ZBTB38: variants seen among roughly 807,000 people sequenced by gnomAD.
ZBTB38 encodes the protein zinc finger and BTB domain-containing protein 38.
In ZBTB38, 20 loss-of-function variants were observed where a neutral mutation model predicts 76.8. The ratio of observed to expected loss-of-function variants is 0.26; its 90% CI spans 0.18 to 0.38. ZBTB38 has a LOEUF of 0.38. Ranked by LOEUF, ZBTB38 falls within the 10% of genes least tolerant of loss-of-function variation. The pLI is 1.00. For synonymous variants in ZBTB38, 504 were observed against 544.2 expected (o/e 0.93, Z 1.03); for missense variants, 1,082 against 1,482.3 (o/e 0.73, Z 4.43).
Position 141,373,215 on chromosome 3 carries a change from C to G in ZBTB38, c.-235+3269C>G, listed in dbSNP as rs539134519. On this transcript the variant is annotated intron_variant, in intron 2 of 5. Coordinates refer to ENST00000321464, the MANE Select transcript of ZBTB38 (RefSeq NM_001376113.1). ...TCAAAAAAAGCATCAAAGGAGACAG[C>G]CTGGGAAAAGTTAGACTTTGTTGAG... is the stretch of plus-strand genomic sequence containing the variant. Among the ~76,000 whole-genome samples, 32 of 152,306 alleles carry G rather than the reference C, an allele frequency of 2.1e-4. No homozygotes were observed. The South Asian group carries it at 6.6e-3, about 32-fold the overall frequency.
chr3:141,348,353 A>G (rs1013675668), intron 1 of ZBTB38, among the ~76,000 whole-genome samples: 6 of 152,240 alleles, frequency 3.9e-5, no homozygotes, highest in Admixed American at 1.3e-4. Context: ...ATTTCCAGCA[A>G]TAGTGCCATG....
chr3:141,442,610 G>A lies in ZBTB38; in HGVS notation c.222G>A (p.Leu74=). The A allele has an allele frequency of 6.2e-7, 1 of 1,614,128 alleles. No homozygotes were observed. The highest frequency in any genetic ancestry group is 8.5e-7 in the Non-Finnish European group (1 of 1,179,988). ...CAATCTGTATTTCCAGCCACGTCCT[G>A]GAGCTGGACGATCTCAAAGCTGAAG... ...SHTICISSHV[L]ELDDLKAEVF... The change falls in exon 6 of 6, where the codon CTG becomes CTA. Residue 74 remains leucine (L), a synonymous_variant. Coordinates refer to ENST00000321464, the MANE Select transcript of ZBTB38 (RefSeq NM_001376113.1). The surrounding 1 kb of genome is among the most constrained non-coding windows in gnomAD (Gnocchi z 6.4).
At chr3:141,338,462 C>CA (rs1431940183) in intron 1 of ZBTB38, among the ~76,000 whole-genome samples, 1 of 152,116 alleles carries the variant, frequency 6.6e-6, no homozygotes, top group African/African-American at 2.4e-5. Context: ...TACTATGCAG[C>CA]CATAAAAAGA....
At chr3:141,339,983 G>C (rs1943124793) in intron 1 of ZBTB38, among the ~76,000 whole-genome samples, 1 of 152,208 alleles carries the variant, frequency 6.6e-6, no homozygotes, top group Non-Finnish European at 1.5e-5. Context: ...TTTGTGCTTG[G>C]AGTATACCAG....
Position 141,443,933 on chromosome 3 carries a change from A to G in ZBTB38, c.1545A>G (p.Arg515=), listed in dbSNP as rs751331781. Residue 515 remains arginine, a synonymous_variant, in exon 6 of 6, where the codon CGA becomes CGG. Coordinates refer to ENST00000321464, the MANE Select transcript of ZBTB38 (RefSeq NM_001376113.1). The surrounding 1 kb of genome is among the most constrained non-coding windows in gnomAD (Gnocchi z 5.6). ...AAATTTGGCATACGGGAGAAAGACGATATCAGTGCATTTTCTGTCTTGAAA... is the reference window on the plus strand; with the variant it reads ...AAATTTGGCATACGGGAGAAAGACGGTATCAGTGCATTTTCTGTCTTGAAA... ...RHEIWHTGER[R]YQCIFCLETF... 5.8e-5 allele frequency: 94 copies of G among 1,614,206 alleles called. 1 individual carries two copies. The South Asian group carries it at 8.6e-4, about 15-fold the overall frequency.
chr3:141,329,499 T>C (rs1043442927), intron 1 of ZBTB38, among the ~76,000 whole-genome samples: 1 of 152,222 alleles, frequency 6.6e-6, no homozygotes, highest in Admixed American at 6.5e-5. Context: ...AAGCAGAGTA[T>C]TATACATGCT....
chr3:141,391,239 T>C (rs1948781818), intron 4 of ZBTB38, among the ~76,000 whole-genome samples: 1 of 152,180 alleles, frequency 6.6e-6, no homozygotes, highest in African/African-American at 2.4e-5. Context: ...TTAAAATGGT[T>C]GATCAGAATG....
chr3:141,398,735 T>A (rs954811400), intron 4 of ZBTB38, among the ~76,000 whole-genome samples: 2 of 152,190 alleles, frequency 1.3e-5, no homozygotes, highest in African/African-American at 4.8e-5. Flanking sequence ...TTTTAAAATA[T>A]ATTTTTTAAA....
intron 5 of ZBTB38, among the ~76,000 whole-genome samples, chr3:141,426,945 TA>T (rs2076516930): frequency 6.6e-6 from 1 of 152,186 alleles, no homozygotes. Flanking sequence ...AGCTCAGCTT[TA>T]GGCCAGCAAT....
At chr3:141,353,610 C>T (rs1943580301) in intron 1 of ZBTB38, among the ~76,000 whole-genome samples, 2 of 152,140 alleles carry the variant, frequency 1.3e-5, no homozygotes, top group African/African-American at 4.8e-5. Flanking sequence ...GCTCCACTAT[C>T]ATTTGTATGT....
chr3:141,329,111 G>T (rs1221309950), intron 1 of ZBTB38, among the ~76,000 whole-genome samples: 1 of 152,072 alleles, frequency 6.6e-6, no homozygotes, highest in Non-Finnish European at 1.5e-5. Flanking sequence ...AAAAAACCCC[G>T]CCTCCTTGGA....
rs2080467596 is a variant in ZBTB38 at position 141,442,346 on chromosome 3, AC to A, written c.1-41del. The A allele has an allele frequency of 6.9e-7, 1 of 1,448,026 alleles. No homozygotes were observed. Among genetic ancestry groups the A allele is most frequent in the Admixed American group, 2.0e-5 (1 of 49,016 alleles). 89.7% of individuals were successfully genotyped at this position (1,448,026 alleles called of 1,614,324 possible). On this transcript the variant is annotated intron_variant, in intron 5 of 5. Transcript: ENST00000321464. The surrounding 1 kb of genome is among the most constrained non-coding windows in gnomAD (Gnocchi z 6.4). ...AAAATAGTCTAGAGATAAAGAAGCC[AC>A]CTGTGGAAGATTATCTGACCATTTC...
At chr3:141,415,104 G>A (rs754399771) in intron 5 of ZBTB38, among the ~76,000 whole-genome samples, 1 of 150,390 alleles carries the variant, frequency 6.6e-6, no homozygotes, top group Non-Finnish European at 1.5e-5. Context: ...TTTCACCAGA[G>A]GTCAGGGAAC....
chr3:141,425,490 G>T (rs1280823847), intron 5 of ZBTB38, among the ~76,000 whole-genome samples: 1 of 152,236 alleles, frequency 6.6e-6, no homozygotes, highest in Non-Finnish European at 1.5e-5. Context: ...GGGCCACCTG[G>T]TGGTCCCATA....
At chr3:141,357,299 T>C (rs1943690375) in intron 1 of ZBTB38, among the ~76,000 whole-genome samples, 1 of 152,220 alleles carries the variant, frequency 6.6e-6, no homozygotes, top group Admixed American at 6.5e-5. Flanking sequence ...TCCTTTATTA[T>C]TCTCCTGAAA....
chr3:141,428,231 T>C (rs929382913), intron 5 of ZBTB38, among the ~76,000 whole-genome samples: 1 of 152,244 alleles, frequency 6.6e-6, no homozygotes, highest in Non-Finnish European at 1.5e-5. Context: ...TCTGGGTCTT[T>C]TCCAGCTGCC....
intron 1 of ZBTB38, among the ~76,000 whole-genome samples, chr3:141,369,357 C>T (rs1944208992): frequency 6.6e-6 from 1 of 152,210 alleles, no homozygotes; most frequent in Non-Finnish European, 1.5e-5. Context: ...ATTATCTTAT[C>T]GCCCTGTTTA....
At chr3:141,435,824 G>A (rs1343213484) in intron 5 of ZBTB38, among the ~76,000 whole-genome samples, 1 of 151,680 alleles carries the variant, frequency 6.6e-6, no homozygotes, top group Non-Finnish European at 1.5e-5. Context: ...GCAAACTCAG[G>A]AAAATAATGA....
At chr3:141,412,347 C>T (rs1419639260) in intron 5 of ZBTB38, among the ~76,000 whole-genome samples, 2 of 152,152 alleles carry the variant, frequency 1.3e-5, no homozygotes, top group African/African-American at 2.4e-5. Flanking sequence ...CTCTCAAAGC[C>T]GGTGGCCATT....
Sources: gnomAD v4.1 joint callset for allele counts (sites outside exome capture counted in the v4.1 genomes callset) on GRCh38, gnomAD v4.1.1 for gene constraint, Gnocchi (gnomAD v3.1) non-coding constraint, MANE v1.5 for transcripts, NCBI Gene and HGNC (gene_info 2026-07-23, HGNC 2026-07-21) for gene names.